TCF20: variants seen among roughly 807,000 people sequenced by gnomAD.
The protein encoded by TCF20 is transcription factor 20, also known as SPRE-binding protein.
Under a neutral mutation model 148.6 loss-of-function variants are expected in TCF20, and 3 were observed. The observed-to-expected ratio is 0.02, with a 90% CI of 0.01 to 0.05. The LOEUF is 0.05. Among genes scored for constraint, TCF20 ranks in the 10% least tolerant of loss-of-function variants. The pLI, the probability that TCF20 is intolerant of heterozygous loss-of-function variation, is 1.00. For synonymous variants in TCF20, 1,049 were observed against 909.5 expected, an observed-to-expected ratio of 1.15 and a Z score of -2.76; for missense variants, 2,350 against 2,429.3, an observed-to-expected ratio of 0.97 and a Z score of 0.69.
chr22:42,211,170 G>A lies in TCF20; in HGVS notation c.4136C>T (p.Thr1379Met), dbSNP rs781758485. Reference protein sequence around the residue: ...SSNSAEAGGDTVTLDDILSLK... With the variant: ...SSNSAEAGGDMVTLDDILSLK... ...AGACAGTATATCATCAAGCGTAACCGTGTCTCCCCCAGCCTCCGCACTGTT... is the reference window on the plus strand; with the variant it reads ...AGACAGTATATCATCAAGCGTAACCATGTCTCCCCCAGCCTCCGCACTGTT... The change falls in exon 2 of 6, where the codon ACG (threonine) becomes ATG (methionine). Residue 1379 changes from threonine to methionine, a missense_variant. Coordinates refer to ENST00000677622, the MANE Select transcript of TCF20 (RefSeq NM_001378418.1). 20 of 1,614,054 alleles carry A rather than the reference G, an allele frequency of 1.2e-5. No individual in the cohort carries two copies. In the East Asian group the frequency reaches 1.8e-4, roughly 14 times the overall value.
At chr22:42,167,368 C>T (rs1345520486) in intron 5 of TCF20, among the ~76,000 whole-genome samples, 1 of 152,150 alleles carries the variant, frequency 6.6e-6, no homozygotes, top group African/African-American at 2.4e-5. Context: ...ATGGTGGTGC[C>T]GGAAGGGACA....
At chr22:42,331,177 G>A (rs138408656) in intron 1 of TCF20, among the ~76,000 whole-genome samples, 13 of 152,318 alleles carry the variant, frequency 8.5e-5, no homozygotes, top group Non-Finnish European at 1.3e-4. Flanking sequence ...GCAGCGCCGC[G>A]GAGCGCGACT....
chr22:42,283,203 C>T (rs1926945542), intron 1 of TCF20, among the ~76,000 whole-genome samples: 1 of 152,238 alleles, frequency 6.6e-6, no homozygotes, highest in African/African-American at 2.4e-5. Flanking sequence ...TCGCCCAACT[C>T]GCAGCAGACC....
intron 5 of TCF20, among the ~76,000 whole-genome samples, chr22:42,166,334 G>A (rs1018221825): frequency 1.3e-5 from 2 of 152,178 alleles, no homozygotes; most frequent in African/African-American, 4.8e-5. Context: ...TTGGCCGGGC[G>A]CCGTGGCTCA....
rs118160511 is a variant in TCF20, at chr22:42,203,060, G to A, written c.5655+6591C>T. Among the ~76,000 whole-genome samples, 98 of 152,274 alleles carry A rather than the reference G, an allele frequency of 6.4e-4. No homozygotes were observed. The East Asian group carries it at 0.017, about 27-fold the overall frequency. On this transcript the variant is annotated intron_variant, in intron 2 of 5. Coordinates refer to ENST00000677622, the MANE Select transcript of TCF20 (RefSeq NM_001378418.1). Reference sequence around the variant, plus strand: ...AGCAATAACTAGTTTAACATCCCAGGGATGAGTAATTAACATATAATAACT... The same window carrying A: ...AGCAATAACTAGTTTAACATCCCAGAGATGAGTAATTAACATATAATAACT...
intron 1 of TCF20, among the ~76,000 whole-genome samples, chr22:42,295,647 T>G (rs888758882): frequency 3.9e-5 from 6 of 152,114 alleles, no homozygotes; most frequent in African/African-American, 1.4e-4. Context: ...TTCTCCATGT[T>G]GAGGCTAGTC....
At position 42,171,207 on chromosome 22, in the gene TCF20, C is replaced by T. The variant is rs145101267; in HGVS notation, c.5750-1311G>A. Among the ~76,000 whole-genome samples the T allele has an allele frequency of 5.3e-5, 8 of 152,232 alleles. No homozygotes were observed. In the South Asian group the frequency reaches 6.2e-4, roughly 12 times the overall value. ...TCTGCACACCACAGCTCCTGGAGAC[C>T]GACAGCCAGGTCACTGGTGCAAAAC... On this transcript the variant is annotated intron_variant, in intron 3 of 5. Transcript: ENST00000677622.
intron 1 of TCF20, among the ~76,000 whole-genome samples, chr22:42,282,100 T>A (rs1926914665): frequency 6.6e-6 from 1 of 151,840 alleles, no homozygotes; most frequent in Non-Finnish European, 1.5e-5. Flanking sequence ...AAAGAGGAGG[T>A]GGTGACGTCA....
chr22:42,234,743 T>C (rs1219143352), intron 1 of TCF20, among the ~76,000 whole-genome samples: 1 of 152,200 alleles, frequency 6.6e-6, no homozygotes, highest in African/African-American at 2.4e-5. Context: ...GTGAAATAGT[T>C]ACATCTAAGT....
At position 42,239,333 on chromosome 22, in the gene TCF20, G is replaced by A. The variant is rs547308488; in HGVS notation, c.-36-23992C>T. On this transcript the variant is annotated intron_variant, in intron 1 of 5. Coordinates refer to ENST00000677622, the MANE Select transcript of TCF20 (RefSeq NM_001378418.1). ...CTCTACTAAAAATACAAAATTAGCA[G>A]GGCGTGATGGCGCATGCCTGTAATC... Among the ~76,000 whole-genome samples the A allele has an allele frequency of 3.3e-3, 499 of 150,468 alleles. 5 individuals are homozygous for A. Among genetic ancestry groups the A allele is most frequent in the African/African-American group, 0.012 (486 of 40,890 alleles).
At chr22:42,216,215 A>G (rs1362251449) in intron 1 of TCF20, among the ~76,000 whole-genome samples, 1 of 148,350 alleles carries the variant, frequency 6.7e-6, no homozygotes, top group Non-Finnish European at 1.5e-5. Flanking sequence ...TCGGCCTCTC[A>G]AAGTTTTGGG....
chr22:42,326,056 CTGCCAGGGG>C (rs1345350007), intron 1 of TCF20, among the ~76,000 whole-genome samples: 1 of 152,116 alleles, frequency 6.6e-6, no homozygotes, highest in Non-Finnish European at 1.5e-5. Flanking sequence ...GCTTCTCTGG[CTGCCAGGGG>C]TGCCAGCTGC....
intron 3 of TCF20, among the ~76,000 whole-genome samples, chr22:42,177,269 G>C (rs1430441019): frequency 6.6e-6 from 1 of 152,108 alleles, no homozygotes; most frequent in Non-Finnish European, 1.5e-5. Flanking sequence ...ACAAAAATTA[G>C]CCGGGCATGG....
Position 42,212,866 on chromosome 22 carries a change from T to A in TCF20, c.2440A>T (p.Asn814Tyr). Reference protein sequence around the residue: ...LNKSIGSLLENPHWGPWERKS... With the variant: ...LNKSIGSLLEYPHWGPWERKS... ...CTTTCCCAGGGGCCCCAGTGGGGAT[T>A]TTCTAATAGAGACCCAATGCTTTTG... The change falls in exon 2 of 6, where the codon AAT (asparagine) becomes TAT (tyrosine). Residue 814 changes from asparagine to tyrosine, a missense_variant. Around this residue, in one of 7 missense-constraint regions of TCF20, gnomAD observed 1,641 missense variants for 1,662.6 expected, o/e 0.99. Transcript: ENST00000677622. 6.2e-7 allele frequency: 1 copy of A among 1,614,192 alleles called. No homozygotes were observed.
upstream of TCF20, among the ~76,000 whole-genome samples, chr22:42,287,005 G>A (rs374811898): frequency 5.3e-5 from 8 of 151,988 alleles, no homozygotes; most frequent in African/African-American, 1.2e-4. Flanking sequence ...GCTGGGAGTC[G>A]GCATCAGGAA....
upstream of TCF20, among the ~76,000 whole-genome samples, chr22:42,272,561 G>A (rs553765049): frequency 1.3e-5 from 2 of 152,330 alleles, no homozygotes; most frequent in East Asian, 1.9e-4. Context: ...AATGCAGACA[G>A]ATAACTGGAG....
At chr22:42,285,507 C>T (rs1230919895), upstream of TCF20, among the ~76,000 whole-genome samples, 1 of 152,162 alleles carries the variant, frequency 6.6e-6, no homozygotes, top group Non-Finnish European at 1.5e-5. The surrounding 1 kb of genome is among the most constrained non-coding windows in gnomAD (Gnocchi z 4.2). Flanking sequence ...ACAGAATCCA[C>T]AGGAGGCATT....
chr22:42,210,676 T>G lies in TCF20; in HGVS notation c.4630A>C (p.Ile1544Leu). 6.2e-7 allele frequency: 1 copy of G among 1,614,216 alleles called. No individual in the cohort carries two copies. The highest frequency in any genetic ancestry group is 8.5e-7 in the Non-Finnish European group (1 of 1,180,038). The change falls in exon 2 of 6, where the codon ATT (isoleucine) becomes CTT (leucine). Residue 1544 changes from isoleucine (I) to leucine (L), a missense_variant. This residue lies in a region of TCF20 where 374 missense variants were observed against 398.3 expected (regional missense o/e 0.94). Transcript: ENST00000677622. The surrounding 1 kb of genome is among the most constrained non-coding windows in gnomAD (Gnocchi z 4.7). ...TTCTTTTGCTTATTCACACTACCAA[T>G]GGGTCTCCCCTTCTTCTTTCCTGAT... is the stretch of plus-strand genomic sequence containing the variant. ...FPSGKKKGRP[I>L]GSVNKQKKQQ... is the part of the protein sequence containing the mutation.
intron 1 of TCF20, among the ~76,000 whole-genome samples, chr22:42,238,339 C>A (rs1399077498): frequency 6.6e-6 from 1 of 152,204 alleles, no homozygotes; most frequent in Admixed American, 6.5e-5. Context: ...GGATTAGGCT[C>A]TGGCTTAAGG....
Sources: gnomAD v4.1 joint callset for allele counts (sites outside exome capture counted in the v4.1 genomes callset) on GRCh38, gnomAD v4.1.1 for gene constraint, gnomAD v4.1.1 regional missense constraint, Gnocchi (gnomAD v3.1) non-coding constraint, MANE v1.5 for transcripts, NCBI Gene and HGNC (gene_info 2026-07-23, HGNC 2026-07-21) for gene names.